The following CADM2 variants were observed in gnomAD, a reference collection of about 807,000 sequenced individuals.
CADM2 encodes the protein immunoglobulin superfamily member 4D.
CADM2 carries 12 observed loss-of-function variants against 49.8 expected under a neutral mutation model. The ratio of observed to expected loss-of-function variants is 0.24; its 90% CI spans 0.15 to 0.39. CADM2 has a LOEUF of 0.39. Among genes scored for constraint, CADM2 ranks in the 10% least tolerant of loss-of-function variants. The pLI is 1.00. For missense variants in CADM2, 378 were observed against 492.3 expected (o/e 0.77, Z 2.20); for synonymous variants, 214 against 175.4 (o/e 1.22, Z -1.74).
intron 1 of CADM2, among the ~76,000 whole-genome samples, chr3:85,693,379 G>T (rs566911412): frequency 5.4e-5 from 8 of 148,940 alleles, no homozygotes; most frequent in Admixed American, 4.7e-4. Context: ...AGGAGATCGA[G>T]ACCATCCTGG....
In CADM2 at chr3:85,279,110, T is replaced by C. The variant is rs112024371; in HGVS notation, c.61+319442T>C. ...AGAAATACCTTTTCATTTAAATTAA[T>C]AAGAAACAATGGTATTTTAGCAAAG... On this transcript the variant is annotated intron_variant, in intron 1 of 9. Transcript: ENST00000383699. Among the ~76,000 whole-genome samples the C allele has an allele frequency of 6.1e-3, 919 of 151,642 alleles. 14 individuals carry two copies. Among genetic ancestry groups the C allele is most frequent in the African/African-American group, 0.021 (856 of 41,516 alleles).
chr3:85,722,424 A>C (rs1353996225), intron 1 of CADM2, among the ~76,000 whole-genome samples: 3 of 152,142 alleles, frequency 2.0e-5, no homozygotes, highest in Non-Finnish European at 4.4e-5. Context: ...CTTATCTATA[A>C]ATTTTTGCTT....
chr3:85,706,223 T>C (rs2066945671), intron 1 of CADM2, among the ~76,000 whole-genome samples: 1 of 152,190 alleles, frequency 6.6e-6, no homozygotes, highest in Non-Finnish European at 1.5e-5. Flanking sequence ...TACATTGTGT[T>C]CTATAATAAC....
chr3:85,529,160 C>G lies in CADM2; in HGVS notation c.62-197362C>G, dbSNP rs10511077. Among the ~76,000 whole-genome samples, 1,356 of 152,184 alleles carry G rather than the reference C, an allele frequency of 8.9e-3. 23 individuals carry two copies. Among genetic ancestry groups the G allele is most frequent in the African/African-American group, 0.03 (1,231 of 41,524 alleles). ...GAGTGTCAAGACCAGTCTTTGCTGC[C>G]TTCTGAGATAAAGAGATGAGAACTT... On this transcript the variant is annotated intron_variant, in intron 1 of 9. Coordinates refer to ENST00000383699, the MANE Select transcript of CADM2 (RefSeq NM_001167675.2).
At chr3:85,687,094 A>G (rs918251943) in intron 1 of CADM2, among the ~76,000 whole-genome samples, 25 of 152,164 alleles carry the variant, frequency 1.6e-4, no homozygotes, top group African/African-American at 5.5e-4. Flanking sequence ...TCACAAGAGC[A>G]TTTTTATGTC....
At chr3:85,409,704 T>C (rs974640027) in intron 1 of CADM2, among the ~76,000 whole-genome samples, 1 of 152,080 alleles carries the variant, frequency 6.6e-6, no homozygotes, top group African/African-American at 2.4e-5. Flanking sequence ...TTAACTTGGA[T>C]TAAAGATGAT....
intron 5 of CADM2, among the ~76,000 whole-genome samples, chr3:85,895,399 G>A (rs1284771754): frequency 1.3e-5 from 2 of 152,212 alleles, no homozygotes. Context: ...TTTGGAACAG[G>A]TGTATTTACC....
At chr3:86,035,904 G>A (rs569095101) in intron 8 of CADM2, among the ~76,000 whole-genome samples, 1 of 152,228 alleles carries the variant, frequency 6.6e-6, no homozygotes, top group South Asian at 2.1e-4. Context: ...AATTCTTGCT[G>A]AGGGTCATCT....
At chr3:85,999,271 T>TG (rs1296304438) in intron 8 of CADM2, among the ~76,000 whole-genome samples, 2 of 143,130 alleles carry the variant, frequency 1.4e-5, no homozygotes, top group Non-Finnish European at 1.5e-5. Flanking sequence ...GGCCGAGGGT[T>TG]GGGGGGTGGA....
chr3:85,678,437 G>C (rs2065944978), intron 1 of CADM2, among the ~76,000 whole-genome samples: 1 of 152,138 alleles, frequency 6.6e-6, no homozygotes, highest in Non-Finnish European at 1.5e-5. Context: ...CATCCTGAGT[G>C]CCAACTGGTC....
intron 1 of CADM2, among the ~76,000 whole-genome samples, chr3:85,115,323 T>A (rs143724587): frequency 1.3e-3 from 199 of 152,346 alleles, no homozygotes; most frequent in African/African-American, 4.3e-3. Flanking sequence ...ATTATCACTG[T>A]TGCCTCCGTA....
At chr3:85,180,323 A>G (rs2040898596) in intron 1 of CADM2, among the ~76,000 whole-genome samples, 1 of 151,858 alleles carries the variant, frequency 6.6e-6, no homozygotes, top group Non-Finnish European at 1.5e-5. Context: ...ACCCTGGGCA[A>G]TGTGGCGAAA....
chr3:85,361,003 A>C (rs1289270016), intron 1 of CADM2, among the ~76,000 whole-genome samples: 4 of 152,098 alleles, frequency 2.6e-5, no homozygotes, highest in Non-Finnish European at 5.9e-5. Context: ...ACAGTCTATC[A>C]TTTACAATTC....
chr3:85,654,397 G>A (rs566148337), intron 1 of CADM2, among the ~76,000 whole-genome samples: 1 of 152,282 alleles, frequency 6.6e-6, no homozygotes, highest in East Asian at 1.9e-4. Flanking sequence ...AGTATGCAGG[G>A]TTCATTTATG....
At chr3:85,546,063 C>T (rs2061664640) in intron 1 of CADM2, among the ~76,000 whole-genome samples, 2 of 152,126 alleles carry the variant, frequency 1.3e-5, no homozygotes, top group South Asian at 4.1e-4. Context: ...CTGACCATGG[C>T]AGCTCCTCAT....
In CADM2 at chr3:86,025,402, G is replaced by A. The variant is rs990813172; in HGVS notation, c.971-40203G>A. The stretch of plus-strand genomic sequence containing the variant: ...TTTTGAAAATACTCTTTTGTTATAA[G>A]GCTATGAACAAAGTAAATATCTTCT... On this transcript the variant is annotated intron_variant, in intron 8 of 9. Coordinates refer to ENST00000383699, the MANE Select transcript of CADM2 (RefSeq NM_001167675.2). Among the ~76,000 whole-genome samples the A allele has an allele frequency of 9.2e-5, 14 of 151,842 alleles. No individual in the cohort carries two copies. The South Asian group carries it at 1.0e-3, about 11-fold the overall frequency.
intron 1 of CADM2, among the ~76,000 whole-genome samples, chr3:85,619,576 C>A (rs2063908461): frequency 6.6e-6 from 1 of 152,068 alleles, no homozygotes; most frequent in African/African-American, 2.4e-5. Flanking sequence ...TATAAGCTCT[C>A]TGATGGAAAT....
chr3:85,668,998 A>T (rs904826112), intron 1 of CADM2, among the ~76,000 whole-genome samples: 1 of 152,076 alleles, frequency 6.6e-6, no homozygotes, highest in East Asian at 1.9e-4. Flanking sequence ...TTTTTATTTT[A>T]AGAGCTGAGA....
intron 1 of CADM2, among the ~76,000 whole-genome samples, chr3:85,290,516 C>T (rs917710082): frequency 3.9e-5 from 6 of 152,224 alleles, no homozygotes; most frequent in African/African-American, 1.4e-4. Flanking sequence ...ACAGCAGTAA[C>T]CTCTGCAGAC....
Sources: allele counts gnomAD v4.1 joint callset (sites outside exome capture counted in the v4.1 genomes callset), GRCh38; gene constraint gnomAD v4.1.1; transcripts MANE v1.5; gene names NCBI Gene and HGNC (gene_info 2026-07-23, HGNC 2026-07-21).